CSMD1: variants seen among roughly 807,000 people sequenced by gnomAD.
CSMD1 encodes CUB and sushi domain-containing protein 1.
A neutral mutation model predicts 417.5 loss-of-function variants in CSMD1; 213 were observed. That is an observed-to-expected ratio of 0.51 (90% CI 0.46 to 0.57). CSMD1 has a LOEUF of 0.57. Among genes scored for constraint, CSMD1 ranks in the 20% least tolerant of loss-of-function variants. The pLI is 0.00. For missense variants in CSMD1, 6,923 were observed against 4,529.7 expected (o/e 1.53, Z -15.17); for synonymous variants, 2,862 against 1,736.8 (o/e 1.65, Z -16.11).
At chr8:4,027,641 C>G (rs1288794069) in intron 4 of CSMD1, among the ~76,000 whole-genome samples, 2 of 152,160 alleles carry the variant, frequency 1.3e-5, no homozygotes, top group Non-Finnish European at 2.9e-5. Flanking sequence ...ATAAATTACC[C>G]AGTCTCAGGT....
intron 7 of CSMD1, among the ~76,000 whole-genome samples, chr8:3,641,013 T>G (rs558882606): frequency 6.7e-6 from 1 of 148,726 alleles, no homozygotes; most frequent in Non-Finnish European, 1.5e-5. Flanking sequence ...CTATTTTGTG[T>G]TCCTTTTTTC....
chr8:3,207,151 C>CTTTTTTTTTTTT (rs35120987), intron 30 of CSMD1, among the ~76,000 whole-genome samples: 1 of 95,326 alleles, frequency 1.0e-5, no homozygotes. Context: ...TTTTCATTTT[C>CTTTTTTTTTTTT]TTTTTTTTTT....
intron 2 of CSMD1, among the ~76,000 whole-genome samples, chr8:4,476,710 C>A (rs1481337497): frequency 6.6e-6 from 1 of 152,162 alleles, no homozygotes; most frequent in Non-Finnish European, 1.5e-5. Flanking sequence ...GATTTCACCA[C>A]TCACTTTATG....
chr8:3,125,755 T>C (rs1817473181), intron 41 of CSMD1, among the ~76,000 whole-genome samples: 1 of 152,200 alleles, frequency 6.6e-6, no homozygotes, highest in Admixed American at 6.5e-5. Flanking sequence ...GGTGGGCAGA[T>C]TACCTGAGAT....
At chr8:4,836,110 G>C (rs1800462729) in intron 1 of CSMD1, among the ~76,000 whole-genome samples, 1 of 152,092 alleles carries the variant, frequency 6.6e-6, no homozygotes, top group South Asian at 2.1e-4. Context: ...AACTGTCAGA[G>C]CTTCAGCTTT....
intron 3 of CSMD1, among the ~76,000 whole-genome samples, chr8:4,070,337 T>C (rs1049223571): frequency 1.3e-5 from 2 of 152,252 alleles, no homozygotes; most frequent in Non-Finnish European, 2.9e-5. Flanking sequence ...GAAAATGTCT[T>C]CTTATATTAA....
At chr8:3,672,637 G>A (rs926651331) in intron 7 of CSMD1, among the ~76,000 whole-genome samples, 20 of 152,060 alleles carry the variant, frequency 1.3e-4, no homozygotes, top group Admixed American at 1.2e-3. Flanking sequence ...TTTTTCATCC[G>A]GTCAGAGTAT....
At chr8:4,624,878 T>C (rs1222176749) in intron 2 of CSMD1, among the ~76,000 whole-genome samples, 1 of 151,892 alleles carries the variant, frequency 6.6e-6, no homozygotes, top group African/African-American at 2.4e-5. Flanking sequence ...CCATTCGGGG[T>C]GGTGGGCAGA....
chr8:2,955,889 T>C lies in CSMD1; in HGVS notation c.9815-121A>G, dbSNP rs1802970308. ...TATGCAGTCAATATGTATATATACA[T>C]ATATATACACATATATATGTATATT... On this transcript the variant is annotated intron_variant, in intron 63 of 69. Coordinates refer to ENST00000635120, the MANE Select transcript of CSMD1 (RefSeq NM_033225.6). 3 of 678,250 alleles carry C rather than the reference T, an allele frequency of 4.4e-6. No homozygotes were observed. The South Asian group carries it at 7.1e-5, about 16-fold the overall frequency. The allele number at this position is 678,250 out of a possible 1,614,324, so 42.0% of individuals were successfully genotyped here. A position where few individuals can be genotyped will look rare whatever the true frequency, so the allele number is the denominator to read the frequency against.
intron 5 of CSMD1, among the ~76,000 whole-genome samples, chr8:3,865,010 T>C (rs532843755): frequency 6.6e-6 from 1 of 152,330 alleles, no homozygotes; most frequent in East Asian, 1.9e-4. Context: ...GTTGAGGTGC[T>C]AGCTAATCTC....
At chr8:3,231,870 C>G (rs760887868) in intron 26 of CSMD1, among the ~76,000 whole-genome samples, 1 of 152,136 alleles carries the variant, frequency 6.6e-6, no homozygotes, top group Non-Finnish European at 1.5e-5. Flanking sequence ...ATATCTAAGT[C>G]ATTAAGTCTG....
At chr8:4,537,764 G>A (rs1033366711) in intron 2 of CSMD1, among the ~76,000 whole-genome samples, 23 of 152,266 alleles carry the variant, frequency 1.5e-4, no homozygotes, top group African/African-American at 4.8e-4. Flanking sequence ...ACCTGGCCTC[G>A]AATCACCAGG....
At chr8:3,054,221 G>C (rs1812063198) in intron 49 of CSMD1, among the ~76,000 whole-genome samples, 1 of 152,190 alleles carries the variant, frequency 6.6e-6, no homozygotes. Flanking sequence ...AATTGCCAGA[G>C]AAGTAAAAGA....
chr8:3,631,081 G>C (rs764349034), intron 7 of CSMD1, among the ~76,000 whole-genome samples: 8 of 152,144 alleles, frequency 5.3e-5, no homozygotes, highest in Admixed American at 1.3e-4. Flanking sequence ...TCTTCAGCCA[G>C]GTCTTCCTGT....
chr8:4,155,252 A>C (rs972255208), intron 3 of CSMD1, among the ~76,000 whole-genome samples: 14 of 152,204 alleles, frequency 9.2e-5, no homozygotes, highest in Admixed American at 1.3e-4. Context: ...AAGGGGCAGC[A>C]GAGAGGTGAA....
intron 2 of CSMD1, among the ~76,000 whole-genome samples, chr8:4,566,018 A>T (rs536116526): frequency 7.9e-5 from 12 of 151,956 alleles, no homozygotes. Flanking sequence ...TCTATTTTAC[A>T]TATAACTTTA....
chr8:4,833,874 G>A (rs1280223462), intron 1 of CSMD1, among the ~76,000 whole-genome samples: 1 of 152,178 alleles, frequency 6.6e-6, no homozygotes, highest in East Asian at 1.9e-4. Context: ...AGTGAAGGTT[G>A]TAAATAACAA....
chr8:3,797,839 G>T (rs1218257931), intron 5 of CSMD1, among the ~76,000 whole-genome samples: 1 of 151,940 alleles, frequency 6.6e-6, no homozygotes, highest in Non-Finnish European at 1.5e-5. Context: ...ACTAACGATT[G>T]TTCTAAGGTG....
At chr8:3,821,853 G>C (rs1048299868) in intron 5 of CSMD1, among the ~76,000 whole-genome samples, 1 of 152,122 alleles carries the variant, frequency 6.6e-6, no homozygotes, top group African/African-American at 2.4e-5. Context: ...TCATGGCAAG[G>C]AATATGGGAA....
Sources: gnomAD v4.1 joint callset for allele counts (sites outside exome capture counted in the v4.1 genomes callset) on GRCh38, gnomAD v4.1.1 for gene constraint, MANE v1.5 for transcripts, NCBI Gene and HGNC (gene_info 2026-07-23, HGNC 2026-07-21) for gene names.